TRANK1: variants seen among roughly 807,000 people sequenced by gnomAD.
TRANK1 encodes TPR and ankyrin repeat-containing protein 1.
In TRANK1, 198 loss-of-function variants were observed where a neutral mutation model predicts 266.0. That is an observed-to-expected ratio of 0.74 (90% confidence interval 0.66 to 0.84). The LOEUF (loss-of-function observed/expected upper bound fraction) is 0.84. Among genes scored for constraint, TRANK1 ranks in the 40% least tolerant of loss-of-function variants. The pLI, the probability that TRANK1 is intolerant of heterozygous loss-of-function variation, is 0.00. For synonymous variants in TRANK1, 1,396 were observed against 1,384.1 expected (o/e 1.01, Z -0.19); for missense variants, 3,326 against 3,634.6 (o/e 0.92, Z 2.18).
rs1188592280 is a variant in TRANK1, at chr3:36,908,415, G to A, written c.63C>T (p.Ser21=). Residue 21 remains serine (S), a synonymous_variant, in exon 2 of 24, where the codon TCC becomes TCT. Coordinates refer to ENST00000645898, the MANE Select transcript of TRANK1 (RefSeq NM_001329998.2). The part of the protein sequence containing the change: ...LTAYAELLKE[S]GNQVLKNGNF... ...TCCCATTCTTAAGAACCTGGTTGCC[G>A]GATTCTTTCAGCAGCTCAGCGTAAG... 5.7e-6 allele frequency: 7 copies of A among 1,232,100 alleles called. No individual in the cohort carries two copies. Among genetic ancestry groups the A allele is most frequent in the Middle Eastern group, 3.1e-4 (1 of 3,228 alleles). The allele number at this position is 1,232,100 out of a possible 1,614,324, so 76.3% of individuals were successfully genotyped here.
chr3:36,936,357 T>C (rs1436581787), intron 1 of TRANK1, among the ~76,000 whole-genome samples: 2 of 151,972 alleles, frequency 1.3e-5, no homozygotes, highest in African/African-American at 4.8e-5. Context: ...TGGTGGTGTA[T>C]GCCTGTAGTC....
intron 2 of TRANK1, among the ~76,000 whole-genome samples, chr3:36,907,608 G>T (rs1185775244): frequency 6.6e-6 from 1 of 151,388 alleles, no homozygotes; most frequent in East Asian, 1.9e-4. Flanking sequence ...GGGACTACAG[G>T]TGCCCACCAC....
At chr3:36,907,843 A>C (rs2079995528) in intron 2 of TRANK1, among the ~76,000 whole-genome samples, 2 of 152,194 alleles carry the variant, frequency 1.3e-5, no homozygotes, top group South Asian at 4.1e-4. Context: ...TACAGCCTAC[A>C]TAAACAGAAG....
chr3:36,843,275 G>A (rs2078872809), intron 17 of TRANK1, among the ~76,000 whole-genome samples: 1 of 152,144 alleles, frequency 6.6e-6, no homozygotes, highest in Admixed American at 6.6e-5. Flanking sequence ...AAAGGATGTG[G>A]TTTGGTTTTT....
chr3:36,915,704 T>C (rs954189944), intron 1 of TRANK1, among the ~76,000 whole-genome samples: 2 of 152,160 alleles, frequency 1.3e-5, no homozygotes, highest in African/African-American at 2.4e-5. Flanking sequence ...AGTTAAAATA[T>C]TTTTCTTCTT....
chr3:36,868,173 ATG>A (rs1249430789), intron 9 of TRANK1, among the ~76,000 whole-genome samples: 4 of 152,234 alleles, frequency 2.6e-5, no homozygotes, highest in African/African-American at 7.2e-5. Context: ...CCTTTCTTAA[ATG>A]TATATATAGC....
chr3:36,921,118 T>C (rs2080207485), intron 1 of TRANK1, among the ~76,000 whole-genome samples: 1 of 152,184 alleles, frequency 6.6e-6, no homozygotes, highest in Non-Finnish European at 1.5e-5. Context: ...CTGACCTAAG[T>C]CACCTTCGGT....
chr3:36,856,321 T>C lies in TRANK1; in HGVS notation c.3401A>G (p.Glu1134Gly), dbSNP rs11712950. 420,038 of 1,573,350 alleles carry C rather than the reference T, an allele frequency of 0.27. 59,691 individuals carry two copies. The highest frequency in any genetic ancestry group is 0.55 in the East Asian group (23,153 of 42,194). The change falls in exon 13 of 24, where the codon GAG (glutamate) becomes GGG (glycine). Residue 1134 changes from glutamate (E) to glycine (G), a missense_variant. By Grantham distance (98) the Glu-to-Gly change is moderately conservative. Coordinates refer to ENST00000645898, the MANE Select transcript of TRANK1 (RefSeq NM_001329998.2). ...TTCCTCTTCCTCGTCCTCTTCCTCC[T>C]CCTCTTCCTCCCCACCTGGACTCTC... ...GKESPGGEEE[E>G]EEEDEEEEDS... is the part of the protein sequence containing the mutation.
At chr3:36,941,335 C>T (rs557626726) in intron 1 of TRANK1, among the ~76,000 whole-genome samples, 2 of 152,294 alleles carry the variant, frequency 1.3e-5, no homozygotes, top group East Asian at 3.9e-4. Context: ...CTCCAAAAGA[C>T]ACACAGGGAG....
chr3:36,851,923 T>C (rs1306261459), intron 14 of TRANK1, 67 bp from the exon 15 acceptor site: 6 of 1,505,134 alleles, frequency 4.0e-6, no homozygotes, highest in East Asian at 2.4e-5. Flanking sequence ...TCTATTTCTA[T>C]GGGAGATAGG....
At chr3:36,880,735 T>TTTATTA (rs887309192) in intron 8 of TRANK1, 9 of 151,230 alleles carry the variant, frequency 6.0e-5, no homozygotes, top group East Asian at 1.9e-4. Flanking sequence ...GCCATTTTCT[T>TTTATTA]TTATTATTAT....
At chr3:36,890,187 A>G (rs918380905) in intron 7 of TRANK1, among the ~76,000 whole-genome samples, 23 of 152,304 alleles carry the variant, frequency 1.5e-4, no homozygotes, top group African/African-American at 5.5e-4. Context: ...GAGTTATAGA[A>G]AGCTACCCAT....
chr3:36,832,856 G>A lies in TRANK1; in HGVS notation c.6727C>T (p.Pro2243Ser), dbSNP rs757838277. The A allele has an allele frequency of 1.2e-6, 2 of 1,613,890 alleles. No homozygotes were observed. Among genetic ancestry groups the A allele is most frequent in the South Asian group, 2.2e-5 (2 of 91,068 alleles). Reference protein sequence around the residue: ...GLLLEAKKVFPKILAEELKEI... With the variant: ...GLLLEAKKVFSKILAEELKEI... ...TTAAGTTCTTCTGCTAAGATTTTAG[G>A]GAATACTTTTTTGGCTTCCAAAAGC... The change falls in exon 22 of 24, where the codon CCT becomes TCT. Residue 2243 changes from proline to serine, a missense_variant. Physicochemically the swap from Pro to Ser is moderately conservative, Grantham distance 74 (BLOSUM62 -1). Coordinates refer to ENST00000645898, the MANE Select transcript of TRANK1 (RefSeq NM_001329998.2).
chr3:36,858,875 C>T lies in TRANK1; in HGVS notation c.1515G>A (p.Gln505=). The change falls in exon 12 of 24, where the codon CAG becomes CAA. Residue 505 remains glutamine (Q), a synonymous_variant. Transcript: ENST00000645898. ...TGACAACTGGCCTCTCCTGGCTCTC[C>T]TGAAGACCATCAGGCAAGGCTGGGA... is the stretch of plus-strand genomic sequence containing the variant. ...IDSGALPDGL[Q]ESQERPVVTC... 5 of 1,536,356 alleles carry T rather than the reference C, an allele frequency of 3.3e-6. No homozygotes were observed. The highest frequency in any genetic ancestry group is 4.4e-6 in the Non-Finnish European group (5 of 1,146,462).
intron 6 of TRANK1, 63 bp from the exon 7 acceptor site, chr3:36,892,403 T>C (rs2125606559): frequency 6.6e-7 from 1 of 1,517,130 alleles, no homozygotes; most frequent in South Asian, 1.2e-5. Flanking sequence ...AGCTTCAAAC[T>C]CCTTTACCCA....
chr3:36,858,998 G>C, intron 11 of TRANK1, 104 bp from the exon 12 acceptor site: 1 of 1,301,240 alleles, frequency 7.7e-7, no homozygotes, highest in South Asian at 1.7e-5. Flanking sequence ...AAGAGCTAAT[G>C]TTTACCTAAC....
At chr3:36,879,780 A>G (rs1365742858) in intron 8 of TRANK1, among the ~76,000 whole-genome samples, 2 of 88,010 alleles carry the variant, frequency 2.3e-5, no homozygotes, top group East Asian at 4.4e-4. Context: ...AAATATATAT[A>G]AATATGTAAA....
Position 36,857,374 on chromosome 3 carries a change from C to T in TRANK1, c.2348G>A (p.Cys783Tyr), listed in dbSNP as rs1386178127. Reference protein sequence around the residue: ...KPTLGAGAPDCSEVGEGHAQV... With the variant: ...KPTLGAGAPDYSEVGEGHAQV... ...AGCATGTCCTTCCCCCACCTCACTA[C>T]AGTCAGGGGCCCCTGCACCCAGAGT... is the stretch of plus-strand genomic sequence containing the variant. Residue 783 changes from cysteine (C) to tyrosine (Y), a missense_variant, in exon 13 of 24, where the codon TGT becomes TAT. Cys to Tyr is a radical substitution (Grantham distance 194, BLOSUM62 -2). Transcript: ENST00000645898. This position sits in a 1 kb window ranked among gnomAD's most constrained non-coding sequence, Gnocchi z 4.3. The T allele has an allele frequency of 5.0e-6, 8 of 1,608,974 alleles. No individual in the cohort carries two copies. Among genetic ancestry groups the T allele is most frequent in the South Asian group, 4.4e-5 (4 of 90,088 alleles).
intron 5 of TRANK1, 105 bp downstream of exon 5, chr3:36,895,535 C>T: frequency 1.5e-6 from 1 of 654,094 alleles, no homozygotes; most frequent in Non-Finnish European, 2.3e-6. Flanking sequence ...TTTACCCTGG[C>T]ATCAAGATCA....
Sources: allele counts gnomAD v4.1 joint callset (sites outside exome capture counted in the v4.1 genomes callset), GRCh38; gene constraint gnomAD v4.1.1; non-coding constraint Gnocchi (gnomAD v3.1); transcripts MANE v1.5; gene names NCBI Gene and HGNC (gene_info 2026-07-23, HGNC 2026-07-21).